CHRNA10: variants seen among roughly 807,000 people sequenced by gnomAD.
The protein encoded by CHRNA10 is neuronal acetylcholine receptor subunit alpha-10.
A neutral mutation model predicts 36.0 loss-of-function variants in CHRNA10; 31 were observed. That is an observed-to-expected ratio of 0.86 (90% CI 0.65 to 1.16). CHRNA10 has a LOEUF of 1.16. Ranked by LOEUF, CHRNA10 falls within the 50% of genes most tolerant of loss-of-function variation. CHRNA10 has a pLI of 0.00. For synonymous variants in CHRNA10, 302 were observed against 287.0 expected (o/e 1.05, Z -0.53); for missense variants, 648 against 640.9 (o/e 1.01, Z -0.12).
At position 3,666,308 on chromosome 11, in the gene CHRNA10, G is replaced by A. The variant is rs371388495; in HGVS notation, c.1152C>T (p.His384=). 1.8e-5 allele frequency: 29 copies of A among 1,613,138 alleles called. No homozygotes were observed. The highest frequency in any genetic ancestry group is 4.0e-5 in the African/African-American group (3 of 74,940). ...CCTGGCGGCACAGACATCGTGGCTCGTGGCAAGGGCCCGCTGGGGGGCCAG... is the reference window on the plus strand; with the variant it reads ...CCTGGCGGCACAGACATCGTGGCTCATGGCAAGGGCCCGCTGGGGGGCCAG... ...GGAGPPAGPC[H]EPRCLCRQEA... The change falls in exon 5 of 5, where the codon CAC becomes CAT. Residue 384 remains histidine, a synonymous_variant. Coordinates refer to ENST00000250699, the MANE Select transcript of CHRNA10 (RefSeq NM_020402.4).
At chr11:3,670,793 TCG>T (rs1264820192) in intron 1 of CHRNA10, among the ~76,000 whole-genome samples, 1 of 152,182 alleles carries the variant, frequency 6.6e-6, no homozygotes, top group Non-Finnish European at 1.5e-5. Context: ...TTGCGAAACA[TCG>T]TCTTGAGTCT....
intron 4 of CHRNA10, 30 bp from the exon 5 acceptor site, chr11:3,666,594 C>T (rs777809396): frequency 2.7e-5 from 40 of 1,492,896 alleles, no homozygotes; most frequent in Non-Finnish European, 3.6e-5. Context: ...CCAATTGACT[C>T]AAAACAAAAG....
chr11:3,667,139 G>A (rs1412415004), intron 4 of CHRNA10, 93 bp downstream of exon 4: 9 of 1,430,792 alleles, frequency 6.3e-6, no homozygotes, highest in Non-Finnish European at 7.3e-6. Context: ...ACTTTCTGCA[G>A]TGGGGCCGTT....
chr11:3,669,671 A>T, intron 2 of CHRNA10, 125 bp downstream of exon 2: 1 of 1,312,094 alleles, frequency 7.6e-7, no homozygotes, highest in Non-Finnish European at 1.1e-6. Context: ...TGTAACTGCT[A>T]CCTTTGTTAA....
chr11:3,666,239 G>A lies in CHRNA10; in HGVS notation c.1221C>T (p.Arg407=). Residue 407 remains arginine (R), a synonymous_variant, in exon 5 of 5, where the codon CGC becomes CGT. Transcript: ENST00000250699. The part of the protein sequence containing the change: ...HHVATIANTF[R]SHRAAQRCHE... ...GGCAGCGCTGGGCAGCTCGGTGGCT[G>A]CGGAAGGTATTGGCAATGGTGGCTA... 1.9e-6 allele frequency: 3 copies of A among 1,614,136 alleles called. No individual in the cohort carries two copies. The highest frequency in any genetic ancestry group is 1.7e-6 in the Non-Finnish European group (2 of 1,180,034).
chr11:3,666,395 C>A lies in CHRNA10; in HGVS notation c.1065G>T (p.Glu355Asp), dbSNP rs2077661111. 6.2e-7 allele frequency: 1 copy of A among 1,613,740 alleles called. No homozygotes were observed. The highest frequency in any genetic ancestry group is 8.5e-7 in the Non-Finnish European group (1 of 1,180,008). Residue 355 changes from glutamate (E) to aspartate (D), a missense_variant, in exon 5 of 5, where the codon GAG (glutamate) becomes GAT (aspartate). Coordinates refer to ENST00000250699, the MANE Select transcript of CHRNA10 (RefSeq NM_020402.4). ...CAGGTGGCCTGGACTGCCCACAGGGCTCCCCTCTTTCCCGCACGCACAGGC... is the reference window on the plus strand; with the variant it reads ...CAGGTGGCCTGGACTGCCCACAGGGATCCCCTCTTTCCCGCACGCACAGGC... ...ARGLCVRERG[E>D]PCGQSRPPEL...
At chr11:3,666,949 T>A (rs534778728) in intron 4 of CHRNA10, among the ~76,000 whole-genome samples, 1 of 152,172 alleles carries the variant, frequency 6.6e-6, no homozygotes, top group African/African-American at 2.4e-5. Flanking sequence ...AAAGGTCAAG[T>A]GCTTAGGGGA....
At position 3,669,801 on chromosome 11, in the gene CHRNA10, CGAT is replaced by C. The variant is rs779716900; in HGVS notation, c.199_201del (p.Ile67del). ...GTACCACCACCACAACGCACCATGT[CGAT>C]GATCTGGGACAGTGTCACCTCCAGG... On this transcript the variant is annotated inframe_deletion, in exon 2 of 5. Transcript: ENST00000250699. 5 of 1,614,186 alleles carry C rather than the reference CGAT, an allele frequency of 3.1e-6. No individual in the cohort carries two copies. The Admixed American group carries it at 8.3e-5, about 27-fold the overall frequency.
At chr11:3,668,894 G>A in intron 3 of CHRNA10, 1 of 264,992 alleles carries the variant, frequency 3.8e-6, no homozygotes, top group Non-Finnish European at 7.1e-6. Flanking sequence ...GCTCTTCGGG[G>A]AGCCCTGAGA....
chr11:3,669,826 C>T lies in CHRNA10; in HGVS notation c.177G>A (p.Leu59=), dbSNP rs753826792. 1.2e-5 allele frequency: 19 copies of T among 1,614,058 alleles called. No homozygotes were observed. Among genetic ancestry groups the T allele is most frequent in the Non-Finnish European group, 1.5e-5 (18 of 1,180,022 alleles). The change falls in exon 2 of 5, where the codon CTG becomes CTA. Residue 59 remains leucine, a synonymous_variant. Transcript: ENST00000250699. ...ADTDQTLNVT[L]EVTLSQIIDM... The stretch of plus-strand genomic sequence containing the variant: ...CGATGATCTGGGACAGTGTCACCTC[C>T]AGGGTCACATTCAGAGTCTGGTCTG...
At chr11:3,667,182 T>A (rs1461990240) in intron 4 of CHRNA10, 50 bp downstream of exon 4, 1 of 1,497,840 alleles carries the variant, frequency 6.7e-7, no homozygotes, top group African/African-American at 1.4e-5. Context: ...GGCCCCGCCC[T>A]GGGGGGACCC....
chr11:3,667,809 G>A (rs1392258866), intron 3 of CHRNA10, 45 bp from the exon 4 acceptor site: 1 of 1,422,644 alleles, frequency 7.0e-7, no homozygotes, highest in Admixed American at 2.8e-5. Context: ...TCCAGCCTGA[G>A]GAGCAGCCCC....
In CHRNA10 at chr11:3,667,307, C is replaced by T. The variant is rs1429734656; in HGVS notation, c.820G>A (p.Val274Met). ...SGEKVSLGVT[V>M]LLALTVFQLL... ...TGGAAGACGGTGAGCGCCAGCAGCA[C>T]GGTGACGCCCAGCGACACCTTCTCG... The change falls in exon 4 of 5, where the codon GTG (valine) becomes ATG (methionine). Residue 274 changes from valine (V) to methionine (M), a missense_variant. By Grantham distance (21) the Val-to-Met change is conservative. Transcript: ENST00000250699. The T allele has an allele frequency of 2.5e-6, 4 of 1,599,184 alleles. No individual in the cohort carries two copies. Among genetic ancestry groups the T allele is most frequent in the East Asian group, 2.2e-5 (1 of 44,764 alleles).
In CHRNA10 at chr11:3,667,581, C is replaced by G; in HGVS notation, c.546G>C (p.Leu182=). The change falls in exon 4 of 5, where the codon CTG becomes CTC. Residue 182 remains leucine, a synonymous_variant. Transcript: ENST00000250699. ...FGSWTHGGHQ[L]DVRPRGAAAS... ...CTGCAGCGCCGCGCGGCCGCACATC[C>G]AGTTGGTGCCCGCCGTGAGTCCAGG... The G allele has an allele frequency of 6.4e-7, 1 of 1,556,706 alleles. No individual in the cohort carries two copies. Among genetic ancestry groups the G allele is most frequent in the Non-Finnish European group, 8.6e-7 (1 of 1,156,174 alleles).
In CHRNA10 at chr11:3,669,191, A is replaced by C. The variant is rs2077693867; in HGVS notation, c.362+5T>G. 6.2e-7 allele frequency: 1 copy of C among 1,611,520 alleles called. No homozygotes were observed. The highest frequency in any genetic ancestry group is 8.5e-7 in the Non-Finnish European group (1 of 1,178,786). On this transcript the variant is annotated splice_donor_5th_base_variant and intron_variant, in intron 3 of 4. Coordinates refer to ENST00000250699, the MANE Select transcript of CHRNA10 (RefSeq NM_020402.4). ...AGAGAGAGGAGGGGCCCAGATAGGCAGTACTTGTTATAGAGTACGATGTCT... is the reference window on the plus strand; with the variant it reads ...AGAGAGAGGAGGGGCCCAGATAGGCCGTACTTGTTATAGAGTACGATGTCT...
In CHRNA10 at chr11:3,666,134, G is replaced by A; in HGVS notation, c.1326C>T (p.Ser442=). ...ACAGGGCCTGCACCAGCACCAGGAG[G>A]CTCATGACCAGGGCCATGGAGAAGA... ...AIFFSMALVM[S]LLVLVQAL Residue 442 remains serine (S), a synonymous_variant, in exon 5 of 5, where the codon AGC becomes AGT. Coordinates refer to ENST00000250699, the MANE Select transcript of CHRNA10 (RefSeq NM_020402.4). 6.3e-7 allele frequency: 1 copy of A among 1,575,754 alleles called. No homozygotes were observed. The highest frequency in any genetic ancestry group is 8.6e-7 in the Non-Finnish European group (1 of 1,161,094).
chr11:3,669,367 A>G lies in CHRNA10; in HGVS notation c.208-17T>C. On this transcript the variant is annotated splice_polypyrimidine_tract_variant and intron_variant, in intron 2 of 4. Transcript: ENST00000250699. ...CCGTTCATCCTAGTGGGGGCAGGGA[A>G]TGGCAGAGATGTGGACATGTATATG... The G allele has an allele frequency of 6.2e-7, 1 of 1,611,060 alleles. No homozygotes were observed. The highest frequency in any genetic ancestry group is 8.5e-7 in the Non-Finnish European group (1 of 1,178,350).
chr11:3,666,425 T>C lies in CHRNA10; in HGVS notation c.1035A>G (p.Ala345=), dbSNP rs1228019815. Residue 345 remains alanine, a synonymous_variant, in exon 5 of 5, where the codon GCA becomes GCG. Transcript: ENST00000250699. ...WARALLLGHL[A]RGLCVRERGE... The stretch of plus-strand genomic sequence containing the variant: ...CTCTTTCCCGCACGCACAGGCCCCG[T>C]GCCAGGTGTCCCAGCAGGAGGGCCC... 2 of 1,614,010 alleles carry C rather than the reference T, an allele frequency of 1.2e-6. No homozygotes were observed. The highest frequency in any genetic ancestry group is 2.7e-5 in the African/African-American group (2 of 75,048).
intron 1 of CHRNA10, 27 bp from the exon 2 acceptor site, chr11:3,669,968 C>T: frequency 6.2e-7 from 1 of 1,613,824 alleles, no homozygotes; most frequent in African/African-American, 1.3e-5. Context: ...GAGGGTTGTC[C>T]ATCCCAGGCC....
Sources: gnomAD v4.1 joint callset for allele counts (sites outside exome capture counted in the v4.1 genomes callset) on GRCh38, gnomAD v4.1.1 for gene constraint, MANE v1.5 for transcripts, NCBI Gene and HGNC (gene_info 2026-07-23, HGNC 2026-07-21) for gene names.